FSTL4: variants seen among roughly 807,000 people sequenced by gnomAD.
FSTL4 encodes the protein follistatin-related protein 4.
In FSTL4, 28 loss-of-function variants were observed where a neutral mutation model predicts 78.2. The ratio of observed to expected loss-of-function variants is 0.36; its 90% CI spans 0.27 to 0.49. The LOEUF is 0.49. Ranked by LOEUF, FSTL4 falls within the 20% of genes least tolerant of loss-of-function variation. FSTL4 has a pLI of 0.98. For missense variants in FSTL4, 922 were observed against 1,084.9 expected, an observed-to-expected ratio of 0.85 and a Z score of 2.11; for synonymous variants, 422 against 440.5, an observed-to-expected ratio of 0.96 and a Z score of 0.53.
rs749313566 is a variant in FSTL4 at position 133,603,888 on chromosome 5, C to T, written c.96G>A (p.Pro32=). Residue 32 remains proline, a synonymous_variant, in exon 2 of 16, where the codon CCG becomes CCA. Coordinates refer to ENST00000265342, the MANE Select transcript of FSTL4 (RefSeq NM_015082.2). ...GWMDPGTSRG[P]DVGVGESQAE... is the part of the protein sequence containing the mutation. ...CCTGTGACTCCCCCACACCCACATCCGGGCCTCTGCTGGTTCCTGGGTCCA... is the reference window on the plus strand; with the variant it reads ...CCTGTGACTCCCCCACACCCACATCTGGGCCTCTGCTGGTTCCTGGGTCCA... 38 of 1,614,034 alleles carry T rather than the reference C, an allele frequency of 2.4e-5. No homozygotes were observed. The highest frequency in any genetic ancestry group is 6.7e-5 in the African/African-American group (5 of 74,922).
intron 4 of FSTL4, among the ~76,000 whole-genome samples, chr5:133,348,066 T>A (rs1754734979): frequency 6.6e-6 from 1 of 152,178 alleles, no homozygotes; most frequent in Non-Finnish European, 1.5e-5. Context: ...TGTTTTTTTC[T>A]CCTAAGTTCT....
At chr5:133,297,324 C>T (rs1753420656) in intron 6 of FSTL4, among the ~76,000 whole-genome samples, 1 of 152,046 alleles carries the variant, frequency 6.6e-6, no homozygotes, top group Admixed American at 6.5e-5. Flanking sequence ...TGTGTGAGCC[C>T]CAGGGTTCCA....
At chr5:133,787,903 T>C in the FSTL4 span, among the ~76,000 whole-genome samples, 4 of 152,220 alleles carry the variant, frequency 2.6e-5, no homozygotes, top group African/African-American at 9.6e-5. Context: ...CTATATCCCT[T>C]AGACCAAACA....
intron 4 of FSTL4, among the ~76,000 whole-genome samples, chr5:133,319,369 G>A (rs1391907013): frequency 6.6e-6 from 1 of 152,230 alleles, no homozygotes; most frequent in Non-Finnish European, 1.5e-5. Flanking sequence ...TTTACATACT[G>A]TGTGCCCGAT....
chr5:133,496,164 A>G (rs944149303), intron 3 of FSTL4, among the ~76,000 whole-genome samples: 9 of 152,224 alleles, frequency 5.9e-5, no homozygotes, highest in Non-Finnish European at 1.3e-4. Flanking sequence ...CTGACATCCA[A>G]GCCCACCTAC....
At chr5:133,698,789 C>T in the FSTL4 span, among the ~76,000 whole-genome samples, 1 of 152,242 alleles carries the variant, frequency 6.6e-6, no homozygotes, top group Non-Finnish European at 1.5e-5. Flanking sequence ...CCAAAGTCCC[C>T]TCTGGGCTGG....
At chr5:133,762,928 T>G in the FSTL4 span, among the ~76,000 whole-genome samples, 1 of 152,202 alleles carries the variant, frequency 6.6e-6, no homozygotes, top group African/African-American at 2.4e-5. Flanking sequence ...AGATGGATAC[T>G]GGCAAGGCAC....
intron 6 of FSTL4, among the ~76,000 whole-genome samples, chr5:133,268,580 A>T (rs745726188): frequency 3.3e-5 from 5 of 152,134 alleles, no homozygotes; most frequent in African/African-American, 1.2e-4. Context: ...CTTCTGCAGG[A>T]GCATGGTCCA....
At chr5:133,827,784 G>C in the FSTL4 span, among the ~76,000 whole-genome samples, 1 of 151,604 alleles carries the variant, frequency 6.6e-6, no homozygotes, top group Middle Eastern at 3.2e-3. Flanking sequence ...AAGCAGAAGA[G>C]GGTCATGTTC....
chr5:133,705,999 A>G, the FSTL4 span, among the ~76,000 whole-genome samples: 1 of 152,144 alleles, frequency 6.6e-6, no homozygotes, highest in Non-Finnish European at 1.5e-5. Context: ...CTCCCCAACT[A>G]TGCTACAATA....
chr5:133,681,854 G>A, the FSTL4 span, among the ~76,000 whole-genome samples: 4 of 152,128 alleles, frequency 2.6e-5, no homozygotes, highest in Admixed American at 2.6e-4. Context: ...ACTGCTGAGA[G>A]CCACCCTTTG....
At chr5:133,810,852 C>T in the FSTL4 span, among the ~76,000 whole-genome samples, 1 of 152,222 alleles carries the variant, frequency 6.6e-6, no homozygotes, top group African/African-American at 2.4e-5. Flanking sequence ...ATTTTGAACA[C>T]ACCTAGTCCC....
chr5:133,358,925 G>A (rs543893020), intron 4 of FSTL4, among the ~76,000 whole-genome samples: 1 of 152,262 alleles, frequency 6.6e-6, no homozygotes, highest in South Asian at 2.1e-4. Context: ...GAATATAAAG[G>A]AAAGAACTAA....
intron 2 of FSTL4, among the ~76,000 whole-genome samples, chr5:133,577,753 A>G (rs1760315279): frequency 6.6e-6 from 1 of 152,128 alleles, no homozygotes; most frequent in East Asian, 1.9e-4. Flanking sequence ...AAAAAATATG[A>G]AAATTAGCTG....
chr5:133,424,386 C>CTTGAG (rs1206141517), intron 3 of FSTL4, among the ~76,000 whole-genome samples: 1 of 152,152 alleles, frequency 6.6e-6, no homozygotes, highest in Non-Finnish European at 1.5e-5. Context: ...GAGAGAGACA[C>CTTGAG]AACCCGAGGG....
chr5:133,646,768 T>C, the FSTL4 span, among the ~76,000 whole-genome samples: 1 of 152,054 alleles, frequency 6.6e-6, no homozygotes, highest in Non-Finnish European at 1.5e-5. Flanking sequence ...GTGTATGTGG[T>C]GCCATTTATT....
the FSTL4 span, among the ~76,000 whole-genome samples, chr5:133,764,985 G>C: frequency 1.3e-5 from 2 of 152,206 alleles, no homozygotes; most frequent in African/African-American, 4.8e-5. Flanking sequence ...TTTTCTCCAG[G>C]TGAGCATGAA....
intron 3 of FSTL4, among the ~76,000 whole-genome samples, chr5:133,511,381 A>G (rs1410589799): frequency 6.6e-6 from 1 of 152,216 alleles, no homozygotes; most frequent in African/African-American, 2.4e-5. Flanking sequence ...AGCCAGCAAC[A>G]TCATACCAAT....
At chr5:133,390,721 G>A (rs1426749038) in intron 4 of FSTL4, among the ~76,000 whole-genome samples, 1 of 152,228 alleles carries the variant, frequency 6.6e-6, no homozygotes, top group Non-Finnish European at 1.5e-5. Flanking sequence ...ACTCTCTGCT[G>A]ATGGAGATGA....
Sources: allele counts gnomAD v4.1 joint callset (sites outside exome capture counted in the v4.1 genomes callset), GRCh38; gene constraint gnomAD v4.1.1; transcripts MANE v1.5; gene names NCBI Gene and HGNC (gene_info 2026-07-23, HGNC 2026-07-21).